SOX5: variants seen among roughly 807,000 people sequenced by gnomAD.
SOX5 encodes SRY-box transcription factor 5, also known as transcription factor SOX-5.
In SOX5, 9 loss-of-function variants were observed where a neutral mutation model predicts 92.0. The observed-to-expected ratio is 0.10, with a 90% CI of 0.06 to 0.17. SOX5 has a LOEUF of 0.17. Among genes scored for constraint, SOX5 ranks in the 10% least tolerant of loss-of-function variants. The probability of loss-of-function intolerance (pLI) is 1.00; values close to 1 mark genes in which losing one functional copy is unlikely to be tolerated. For synonymous variants in SOX5, 344 were observed against 336.3 expected (o/e 1.02, Z -0.25); for missense variants, 642 against 944.5 (o/e 0.68, Z 4.20).
chr12:24,381,601 T>C (rs1418264395), intron 1 of SOX5, among the ~76,000 whole-genome samples: 1 of 152,238 alleles, frequency 6.6e-6, no homozygotes, highest in Non-Finnish European at 1.5e-5. Context: ...AATGCCTCCT[T>C]AAACAGCTCT....
chr12:24,079,539 T>C (rs752680048), intron 4 of SOX5, among the ~76,000 whole-genome samples: 1 of 152,068 alleles, frequency 6.6e-6, no homozygotes, highest in Non-Finnish European at 1.5e-5. Flanking sequence ...AACAGTAATT[T>C]GGTATTTATT....
intron 2 of SOX5, among the ~76,000 whole-genome samples, chr12:24,283,324 C>A (rs752990726): frequency 1.3e-5 from 2 of 152,176 alleles, no homozygotes; most frequent in Non-Finnish European, 2.9e-5. Context: ...CTCTTAGAAT[C>A]CTGATATTGA....
chr12:24,244,059 AAAAAAAAG>A (rs1938087510), intron 3 of SOX5, among the ~76,000 whole-genome samples: 1 of 151,974 alleles, frequency 6.6e-6, no homozygotes, highest in African/African-American at 2.4e-5. Flanking sequence ...AAAAAAAAAA[AAAAAAAAG>A]AAAAGGTTGG....
At chr12:24,473,423 A>G (rs898600995) in intron 1 of SOX5, among the ~76,000 whole-genome samples, 2 of 152,226 alleles carry the variant, frequency 1.3e-5, no homozygotes, top group Non-Finnish European at 2.9e-5. Flanking sequence ...GCCAGCTCTC[A>G]TGCCACTTGT....
intron 3 of SOX5, among the ~76,000 whole-genome samples, chr12:23,808,357 C>T (rs1157885289): frequency 6.6e-6 from 1 of 152,070 alleles, no homozygotes; most frequent in Admixed American, 6.6e-5. Context: ...TTTTTCATGA[C>T]ACTCTCTTCC....
chr12:24,105,436 G>A (rs1037110806), intron 4 of SOX5, among the ~76,000 whole-genome samples: 1 of 152,062 alleles, frequency 6.6e-6, no homozygotes, highest in African/African-American at 2.4e-5. Flanking sequence ...AGCTACTTGG[G>A]AGACTGAGGC....
intron 2 of SOX5, among the ~76,000 whole-genome samples, chr12:23,873,634 A>G (rs2096897992): frequency 6.6e-6 from 1 of 152,228 alleles, no homozygotes; most frequent in South Asian, 2.1e-4. Context: ...TCTTTTTCAT[A>G]TACACTAAAT....
At position 24,134,066 on chromosome 12, in the gene SOX5, A is replaced by AT. The variant is rs963754441; in HGVS notation, c.-2+79276dup. ...TTGTGAATTCTAAAATGATGAGGTAATTTTTTTTTTTAAATTGTTGCTTCT... is the reference window on the plus strand; with the variant it reads ...TTGTGAATTCTAAAATGATGAGGTAATTTTTTTTTTTTAAATTGTTGCTTCT... On this transcript the variant is annotated intron_variant, in intron 4 of 4. Coordinates refer to the SOX5 transcript ENST00000446891. Among the ~76,000 whole-genome samples the AT allele has an allele frequency of 7.0e-4, 105 of 149,610 alleles. 1 individual carries two copies. The highest frequency in any genetic ancestry group is 1.6e-3 in the African/African-American group (65 of 40,892).
At chr12:23,909,971 A>C (rs549613629) in intron 1 of SOX5, among the ~76,000 whole-genome samples, 1 of 151,696 alleles carries the variant, frequency 6.6e-6, no homozygotes, top group Non-Finnish European at 1.5e-5. Context: ...TGCTGCTGGC[A>C]AGTTTATGGA....
rs190845252 is a variant in SOX5, at chr12:23,877,822, A to G, written c.270+17971T>C. ...AGTATATATTATAATAATTTATCAT[A>G]TTTCCATAACTACAATAACATTACC... On this transcript the variant is annotated intron_variant, in intron 2 of 14. Transcript: ENST00000451604. 6.6e-5 allele frequency among the ~76,000 whole-genome samples: 10 copies of G among 152,140 alleles called. No individual in the cohort carries two copies. The East Asian group carries it at 1.4e-3, about 21-fold the overall frequency.
intron 6 of SOX5, among the ~76,000 whole-genome samples, chr12:23,667,268 A>C (rs1193867411): frequency 6.6e-6 from 1 of 152,162 alleles, no homozygotes; most frequent in East Asian, 1.9e-4. Flanking sequence ...TATATAAAGC[A>C]TTCTTGTTAT....
intron 3 of SOX5, among the ~76,000 whole-genome samples, chr12:24,258,320 T>C (rs1238109408): frequency 1.3e-5 from 2 of 151,798 alleles, no homozygotes; most frequent in Non-Finnish European, 2.9e-5. Flanking sequence ...GTGAGTTACA[T>C]GGTTTACCTT....
rs1938700965 is a variant in SOX5 at position 23,530,305 on chromosome 12, A to C, written c.*3914T>G. 6.6e-6 allele frequency: 1 copy of C among 152,230 alleles called. No individual in the cohort carries two copies. The highest frequency in any genetic ancestry group is 2.4e-5 in the African/African-American group (1 of 41,470). 9.4% of individuals were successfully genotyped at this position (152,230 alleles called of 1,614,324 possible). A position where few individuals can be genotyped will look rare whatever the true frequency, so the allele number is the denominator to read the frequency against. Reference sequence around the variant, plus strand: ...AATTATTTTTTATGTTTTAAATGTGATATAAGAGGTTTCTTCTGGGAACAG... The same window carrying C: ...AATTATTTTTTATGTTTTAAATGTGCTATAAGAGGTTTCTTCTGGGAACAG... On this transcript the variant is annotated 3_prime_UTR_variant, in exon 15 of 15. Coordinates refer to ENST00000451604, the MANE Select transcript of SOX5 (RefSeq NM_006940.6).
rs528831794 is a variant in SOX5, at chr12:24,507,448, T to C, written c.-251+54881A>G. 7.3e-5 allele frequency among the ~76,000 whole-genome samples: 11 copies of C among 151,720 alleles called. No homozygotes were observed. The East Asian group carries it at 1.5e-3, about 21-fold the overall frequency. On this transcript the variant is annotated intron_variant, in intron 1 of 4. Transcript: ENST00000446891. ...CAAATACAGATTATGGAACACTCTATATGACAACTGACCTACTTTCTGCAA... is the reference window on the plus strand; with the variant it reads ...CAAATACAGATTATGGAACACTCTACATGACAACTGACCTACTTTCTGCAA...
At chr12:24,486,175 G>A (rs181619602) in intron 1 of SOX5, among the ~76,000 whole-genome samples, 349 of 152,128 alleles carry the variant, frequency 2.3e-3, no homozygotes, top group Non-Finnish European at 3.8e-3. Context: ...GGCCTTAAGC[G>A]ATCCTCCCAC....
chr12:23,735,682 C>T (rs896449428), intron 5 of SOX5, among the ~76,000 whole-genome samples: 2 of 152,164 alleles, frequency 1.3e-5, no homozygotes, highest in African/African-American at 2.4e-5. Context: ...TTCAAAGGAA[C>T]CTCAAGTTCA....
intron 4 of SOX5, among the ~76,000 whole-genome samples, chr12:23,992,461 C>A (rs1569431092): frequency 1.3e-5 from 2 of 152,002 alleles, no homozygotes; most frequent in Non-Finnish European, 2.9e-5. Context: ...TGCAAAGTAG[C>A]CATTAATAAC....
At chr12:23,557,061 T>G (rs554673935) in intron 11 of SOX5, among the ~76,000 whole-genome samples, 14 of 152,332 alleles carry the variant, frequency 9.2e-5, no homozygotes, top group African/African-American at 2.9e-4. Context: ...TTGGTCACTG[T>G]CATTTCATGT....
At position 23,880,316 on chromosome 12, in the gene SOX5, T is replaced by C. The variant is rs118147946; in HGVS notation, c.270+15477A>G. Among the ~76,000 whole-genome samples the C allele has an allele frequency of 5.2e-3, 792 of 152,266 alleles. 4 individuals carry two copies. The highest frequency in any genetic ancestry group is 8.4e-3 in the Non-Finnish European group (570 of 68,012). On this transcript the variant is annotated intron_variant, in intron 2 of 14. Coordinates refer to ENST00000451604, the MANE Select transcript of SOX5 (RefSeq NM_006940.6). The stretch of plus-strand genomic sequence containing the variant: ...GCAGTTCAGTCTTGAGCTGAAGACA[T>C]AAGTGAATGGACACCCATATTATGG...
Sources: gnomAD v4.1 joint callset for allele counts (sites outside exome capture counted in the v4.1 genomes callset) on GRCh38, gnomAD v4.1.1 for gene constraint, MANE v1.5 for transcripts, NCBI Gene and HGNC (gene_info 2026-07-23, HGNC 2026-07-21) for gene names.